The following VPS13A variants were observed in gnomAD, a reference collection of about 807,000 sequenced individuals.
The protein encoded by VPS13A is intermembrane lipid transfer protein VPS13A.
VPS13A carries 264 observed loss-of-function variants against 390.9 expected under a neutral mutation model. The ratio of observed to expected loss-of-function variants is 0.68; its 90% CI spans 0.61 to 0.75. VPS13A has a LOEUF of 0.75. VPS13A is among the 30% of genes least tolerant of loss of function. The pLI, the probability that VPS13A is intolerant of heterozygous loss-of-function variation, is 0.00. For synonymous variants in VPS13A, 1,231 were observed against 1,227.1 expected (o/e 1.00, Z -0.07); for missense variants, 3,409 against 3,733.9 (o/e 0.91, Z 2.27).
intron 67 of VPS13A, among the ~76,000 whole-genome samples, chr9:77,373,904 A>G (rs1344835258): frequency 6.6e-6 from 1 of 152,220 alleles, no homozygotes; most frequent in African/African-American, 2.4e-5. Flanking sequence ...AGTTGCTGCC[A>G]TTGCATTGTT....
Position 77,403,259 on chromosome 9 carries a change from A to G in VPS13A, c.9213A>G (p.Ala3071=). 6.2e-7 allele frequency: 1 copy of G among 1,612,390 alleles called. No individual in the cohort carries two copies. The highest frequency in any genetic ancestry group is 1.3e-5 in the African/African-American group (1 of 75,022). ...AGGTCATGGAAAATGGAAGATTTGC[A>G]AAATACAAATATTTTACCCATGTCA... ...MLQVMENGRF[A]KYKYFTHVMI... The change falls in exon 69 of 72, where the codon GCA becomes GCG. Residue 3071 remains alanine (A), a synonymous_variant. Transcript: ENST00000360280.
At chr9:77,344,304 C>CAT in intron 51 of VPS13A, 23 bp downstream of exon 51, 1 of 1,609,844 alleles carries the variant, frequency 6.2e-7, no homozygotes, top group Non-Finnish European at 8.5e-7. Flanking sequence ...TTCTTTTTTG[C>CAT]ATGTGTCATT....
intron 46 of VPS13A, among the ~76,000 whole-genome samples, chr9:77,336,404 C>G (rs1008544898): frequency 6.6e-6 from 1 of 151,692 alleles, no homozygotes; most frequent in Non-Finnish European, 1.5e-5. Context: ...AAATATCATA[C>G]TGATGTTTAA....
intron 68 of VPS13A, among the ~76,000 whole-genome samples, chr9:77,397,124 G>C (rs975192051): frequency 1.3e-5 from 2 of 152,076 alleles, no homozygotes; most frequent in Non-Finnish European, 2.9e-5. Context: ...CAAGTAGCTG[G>C]GATTACAGGC....
At chr9:77,227,202 A>G (rs1432718305) in intron 15 of VPS13A, among the ~76,000 whole-genome samples, 189 bp from the exon 16 acceptor site, 3 of 152,206 alleles carry the variant, frequency 2.0e-5, no homozygotes, top group Non-Finnish European at 4.4e-5. Context: ...CTAAACTTAC[A>G]TATTTAGCAA....
rs760604783 is a variant in VPS13A, at chr9:77,303,016, A to C, written c.3914A>C (p.Gln1305Pro). Residue 1305 changes from glutamine to proline, a missense_variant, in exon 34 of 72, where the codon CAG becomes CCG. Transcript: ENST00000360280. The stretch of plus-strand genomic sequence containing the variant: ...CGAAATTTATGCTGGGAGTGGTACC[A>C]GGAAGTTCCTTGTTTTAATGTAAAT... ...VERNLCWEWY[Q>P]EVPCFNVNAQ... The C allele has an allele frequency of 6.2e-7, 1 of 1,614,058 alleles. No individual in the cohort carries two copies. Among genetic ancestry groups the C allele is most frequent in the Non-Finnish European group, 8.5e-7 (1 of 1,179,978 alleles).
intron 23 of VPS13A, among the ~76,000 whole-genome samples, chr9:77,269,877 G>T (rs1826250844): frequency 2.0e-5 from 3 of 152,136 alleles, no homozygotes. Flanking sequence ...GACCACTAGG[G>T]TGGGCGCTAA....
intron 5 of VPS13A, among the ~76,000 whole-genome samples, chr9:77,207,973 A>G (rs1438462583): frequency 1.3e-5 from 2 of 152,184 alleles, no homozygotes; most frequent in Non-Finnish European, 2.9e-5. Context: ...GGTTTTATTC[A>G]GGATTGGTAC....
intron 22 of VPS13A, among the ~76,000 whole-genome samples, chr9:77,253,657 A>G (rs1455284084): frequency 1.3e-5 from 2 of 152,160 alleles, no homozygotes; most frequent in Non-Finnish European, 2.9e-5. Flanking sequence ...TATCAGATAT[A>G]TGATTTGCAA....
chr9:77,408,472 G>A (rs11145416), intron 71 of VPS13A, among the ~76,000 whole-genome samples: 25,468 of 152,268 alleles, frequency 0.17, 2,695 homozygotes, highest in East Asian at 0.32. Flanking sequence ...CGCACCGAGC[G>A]TGAGCCAAAG....
chr9:77,321,564 C>G lies in VPS13A; in HGVS notation c.5648C>G (p.Ser1883Cys). The G allele has an allele frequency of 6.2e-7, 1 of 1,613,420 alleles. No individual in the cohort carries two copies. Among genetic ancestry groups the G allele is most frequent in the Non-Finnish European group, 8.5e-7 (1 of 1,179,616 alleles). The change falls in exon 44 of 72, where the codon TCC (serine) becomes TGC (cysteine). Residue 1883 changes from serine to cysteine, a missense_variant. By Grantham distance (112) the Ser-to-Cys change is moderately radical (BLOSUM62 -1). Coordinates refer to ENST00000360280, the MANE Select transcript of VPS13A (RefSeq NM_033305.3). ...KDLAPFMILN[S>C]LGLTISVSPS... ...CTAGCACCATTTATGATTTTAAATT[C>G]CCTTGGACTTACTATTTCTGTTTCG...
At chr9:77,240,835 TA>T (rs1564656972) in intron 19 of VPS13A, among the ~76,000 whole-genome samples, 1 of 152,172 alleles carries the variant, frequency 6.6e-6, no homozygotes, top group East Asian at 1.9e-4. Context: ...ATTTTCTCCT[TA>T]ACACATTGAA....
chr9:77,220,267 C>T lies in VPS13A; in HGVS notation c.883-10C>T, dbSNP rs1233407666. The T allele has an allele frequency of 6.2e-7, 1 of 1,603,316 alleles. No homozygotes were observed. The stretch of plus-strand genomic sequence containing the variant: ...GATACATTTAAGAGCTTTAATTTTC[C>T]ATTCTTTAGTATTTCAGTATTATGG... On this transcript the variant is annotated splice_polypyrimidine_tract_variant and intron_variant, in intron 11 of 71. Coordinates refer to ENST00000360280, the MANE Select transcript of VPS13A (RefSeq NM_033305.3).
At chr9:77,299,833 C>T (rs984095335) in intron 33 of VPS13A, among the ~76,000 whole-genome samples, 2 of 152,002 alleles carry the variant, frequency 1.3e-5, no homozygotes, top group African/African-American at 4.8e-5. Flanking sequence ...AACAGAAAAC[C>T]AAATACCACC....
Position 77,319,609 on chromosome 9 carries a change from C to G in VPS13A, c.5351C>G (p.Pro1784Arg). 1.9e-6 allele frequency: 3 copies of G among 1,612,170 alleles called. No homozygotes were observed. The highest frequency in any genetic ancestry group is 2.5e-6 in the Non-Finnish European group (3 of 1,178,776). Reference sequence around the variant, plus strand: ...AATGAAATGTTTGGTGTATGGGAGCCTTTGCTTGAACCCTTAGAAATTGAT... The same window carrying G: ...AATGAAATGTTTGGTGTATGGGAGCGTTTGCTTGAACCCTTAGAAATTGAT... ...YYNEMFGVWE[P>R]LLEPLEIDQT... The change falls in exon 42 of 72, where the codon CCT becomes CGT. Residue 1784 changes from proline (P) to arginine (R), a missense_variant. Around this residue, in one of 5 missense-constraint regions of VPS13A, gnomAD observed 2,717 missense variants for 2,917.4 expected, o/e 0.93. Transcript: ENST00000360280.
At position 77,397,012 on chromosome 9, in the gene VPS13A, G is replaced by A. The variant is rs750468243; in HGVS notation, c.9190-6224G>A. Among the ~76,000 whole-genome samples, 35 of 151,878 alleles carry A rather than the reference G, an allele frequency of 2.3e-4. 1 individual carries two copies. Among genetic ancestry groups the A allele is most frequent in the African/African-American group, 2.7e-4 (11 of 41,364 alleles). On this transcript the variant is annotated intron_variant, in intron 68 of 71. Coordinates refer to ENST00000360280, the MANE Select transcript of VPS13A (RefSeq NM_033305.3). Reference sequence around the variant, plus strand: ...TTTCATGGTTTTTTGTTTTTGAGACGGAGTCTCGCTCTGTTGCCCAGGCTG... The same window carrying A: ...TTTCATGGTTTTTTGTTTTTGAGACAGAGTCTCGCTCTGTTGCCCAGGCTG...
chr9:77,323,752 A>C (rs1829867407), intron 45 of VPS13A, among the ~76,000 whole-genome samples: 2 of 152,136 alleles, frequency 1.3e-5, no homozygotes, highest in Non-Finnish European at 2.9e-5. Context: ...CTCATTGTAC[A>C]TTAGTTATAT....
chr9:77,292,761 G>A (rs1325395531), intron 31 of VPS13A, among the ~76,000 whole-genome samples: 4 of 152,038 alleles, frequency 2.6e-5, no homozygotes, highest in Non-Finnish European at 5.9e-5. Flanking sequence ...TACATCTCCT[G>A]TTGTCGCCAC....
At chr9:77,412,224 A>G (rs1021537112) in intron 71 of VPS13A, among the ~76,000 whole-genome samples, 63 of 152,286 alleles carry the variant, frequency 4.1e-4, no homozygotes, top group African/African-American at 1.5e-3. Context: ...AAAAGAGGGA[A>G]TCCTCCCTAA....
Sources: gnomAD v4.1 joint callset for allele counts (sites outside exome capture counted in the v4.1 genomes callset) on GRCh38, gnomAD v4.1.1 for gene constraint, gnomAD v4.1.1 regional missense constraint, MANE v1.5 for transcripts, NCBI Gene and HGNC (gene_info 2026-07-23, HGNC 2026-07-21) for gene names.